The following DTX4 variants were observed in gnomAD, a reference collection of about 807,000 sequenced individuals.
DTX4 encodes deltex E3 ubiquitin ligase 4.
DTX4 carries 28 observed loss-of-function variants against 57.6 expected under a neutral mutation model. That is an observed-to-expected ratio of 0.49 (90% CI 0.36 to 0.67). The LOEUF is 0.67. DTX4 is among the 30% of genes least tolerant of loss of function. DTX4 has a pLI of 0.00. For missense variants in DTX4, 715 were observed against 836.8 expected, an observed-to-expected ratio of 0.85 and a Z score of 1.80; for synonymous variants, 316 against 331.0, an observed-to-expected ratio of 0.95 and a Z score of 0.49.
intron 1 of DTX4, among the ~76,000 whole-genome samples, chr11:59,174,501 G>GAAAAAAA (rs71036507): frequency 4.2e-5 from 5 of 118,054 alleles, no homozygotes; most frequent in Non-Finnish European, 8.2e-5. Flanking sequence ...TCCAGTCCTG[G>GAAAAAAA]AAAAAAAAAA....
At chr11:59,173,102 G>A (rs1448549894) in intron 1 of DTX4, among the ~76,000 whole-genome samples, 1 of 152,118 alleles carries the variant, frequency 6.6e-6, no homozygotes, top group African/African-American at 2.4e-5. Context: ...GCAGTTGGTG[G>A]CCCTAAGTCT....
intron 7 of DTX4, among the ~76,000 whole-genome samples, chr11:59,195,878 C>T (rs1862661270): frequency 6.6e-6 from 1 of 152,176 alleles, no homozygotes. Context: ...AATAATTTTC[C>T]AGAAGTGGAA....
chr11:59,203,310 CACAA>C (rs1862761490), intron 8 of DTX4, among the ~76,000 whole-genome samples: 1 of 152,190 alleles, frequency 6.6e-6, no homozygotes, highest in South Asian at 2.1e-4. Context: ...CAGCTTAAAA[CACAA>C]ACACATTGTA....
chr11:59,190,152 T>C (rs1862578473), intron 4 of DTX4, among the ~76,000 whole-genome samples: 1 of 152,206 alleles, frequency 6.6e-6, no homozygotes, highest in African/African-American at 2.4e-5. Context: ...TGTTGCATGA[T>C]CCACTTCCTC....
At chr11:59,182,852 C>T (rs963777223) in intron 2 of DTX4, among the ~76,000 whole-genome samples, 4 of 152,154 alleles carry the variant, frequency 2.6e-5, no homozygotes, top group Non-Finnish European at 5.9e-5. Context: ...GAGGCTGATG[C>T]TGGAGGATCT....
chr11:59,177,953 C>T (rs1297965944), intron 1 of DTX4, among the ~76,000 whole-genome samples: 1 of 152,230 alleles, frequency 6.6e-6, no homozygotes, highest in Non-Finnish European at 1.5e-5. Flanking sequence ...TCATGGTACT[C>T]ACTCTCTAGT....
intron 1 of DTX4, among the ~76,000 whole-genome samples, chr11:59,176,344 C>T (rs541000164): frequency 6.6e-6 from 1 of 152,252 alleles, no homozygotes; most frequent in South Asian, 2.1e-4. Flanking sequence ...TATTATTATC[C>T]CCATTTTATA....
chr11:59,177,151 AC>A (rs1862405514), intron 1 of DTX4, among the ~76,000 whole-genome samples: 1 of 152,144 alleles, frequency 6.6e-6, no homozygotes, highest in African/African-American at 2.4e-5. Flanking sequence ...TTATTTGGGC[AC>A]CTAATAGGTA....
At chr11:59,174,429 GC>G (rs1022686765) in intron 1 of DTX4, among the ~76,000 whole-genome samples, 1 of 149,588 alleles carries the variant, frequency 6.7e-6, no homozygotes, top group African/African-American at 2.5e-5. Flanking sequence ...GCGGAGCTGA[GC>G]CACGGAGGTG....
At position 59,200,229 on chromosome 11, in the gene DTX4, A is replaced by T. The variant is rs1371001923; in HGVS notation, c.1626+456A>T. 2.0e-5 allele frequency among the ~76,000 whole-genome samples: 3 copies of T among 152,344 alleles called. No individual in the cohort carries two copies. In the East Asian group the frequency reaches 5.8e-4, roughly 29 times the overall value. On this transcript the variant is annotated intron_variant, in intron 8 of 8. Transcript: ENST00000227451. Reference sequence around the variant, plus strand: ...GTGACACTTATTCACTACCATGAGAACAGTATAGGGGAAACTGCCCCCATG... The same window carrying T: ...GTGACACTTATTCACTACCATGAGATCAGTATAGGGGAAACTGCCCCCATG...
intron 2 of DTX4, among the ~76,000 whole-genome samples, chr11:59,184,051 T>C (rs1862497982): frequency 6.6e-6 from 1 of 152,196 alleles, no homozygotes; most frequent in South Asian, 2.1e-4. Flanking sequence ...ACAAAGGCAG[T>C]TTATAACAGG....
intron 1 of DTX4, among the ~76,000 whole-genome samples, chr11:59,180,515 C>A (rs1590980108): frequency 6.6e-6 from 1 of 152,184 alleles, no homozygotes; most frequent in African/African-American, 2.4e-5. Flanking sequence ...GTGTATCCCT[C>A]TGGGTTGGAG....
At chr11:59,197,767 C>T (rs561386842) in intron 7 of DTX4, among the ~76,000 whole-genome samples, 2 of 152,176 alleles carry the variant, frequency 1.3e-5, no homozygotes, top group Non-Finnish European at 2.9e-5. Context: ...GTCTCAGAGG[C>T]AATGAGTCAA....
intron 1 of DTX4, among the ~76,000 whole-genome samples, chr11:59,175,506 TG>T (rs1357769807): frequency 7.2e-5 from 11 of 152,184 alleles, no homozygotes; most frequent in Non-Finnish European, 1.5e-4. Flanking sequence ...TTCCCCAGAC[TG>T]CCTAGAGGTC....
chr11:59,186,565 C>T (rs1862531817), intron 2 of DTX4, among the ~76,000 whole-genome samples: 1 of 152,156 alleles, frequency 6.6e-6, no homozygotes, highest in Non-Finnish European at 1.5e-5. Context: ...GGACTCAGGG[C>T]TTGGGTGGCC....
Position 59,195,289 on chromosome 11 carries a change from C to T in DTX4, c.1456C>T (p.His486Tyr), listed in dbSNP as rs1183125112. The change falls in exon 7 of 9, where the codon CAC becomes TAC. Residue 486 changes from histidine (H) to tyrosine (Y), a missense_variant. Transcript: ENST00000227451. The stretch of plus-strand genomic sequence containing the variant: ...CCAACCTCCAGGGAAGATGGAGTAC[C>T]ACCTCATCCCCCACTCCTTGCCTGG... The part of the protein sequence containing the change: ...GTQPPGKMEY[H>Y]LIPHSLPGHP... The T allele has an allele frequency of 6.2e-7, 1 of 1,613,792 alleles. No homozygotes were observed. Among genetic ancestry groups the T allele is most frequent in the Admixed American group, 1.7e-5 (1 of 60,012 alleles).
At chr11:59,187,287 T>C (rs529193603) in intron 2 of DTX4, among the ~76,000 whole-genome samples, 73 of 152,374 alleles carry the variant, frequency 4.8e-4, no homozygotes, top group African/African-American at 1.7e-3. Context: ...CAAGTTTCCT[T>C]AACCTCTCTG....
chr11:59,182,562 T>A, intron 2 of DTX4, 100 bp downstream of exon 2: 1 of 1,414,562 alleles, frequency 7.1e-7, no homozygotes, highest in Non-Finnish European at 9.3e-7. Context: ...GACTTAAGCT[T>A]CTCATCTTGT....
intron 1 of DTX4, among the ~76,000 whole-genome samples, chr11:59,181,222 T>A (rs1031854965): frequency 1.3e-5 from 2 of 152,216 alleles, no homozygotes; most frequent in Admixed American, 6.5e-5. Context: ...ATGATCATTA[T>A]GAGCACCTAC....
Sources: gnomAD v4.1 joint callset for allele counts (sites outside exome capture counted in the v4.1 genomes callset) on GRCh38, gnomAD v4.1.1 for gene constraint, MANE v1.5 for transcripts, NCBI Gene and HGNC (gene_info 2026-07-23, HGNC 2026-07-21) for gene names.